LYPD6B: variants seen among roughly 807,000 people sequenced by gnomAD.
The protein encoded by LYPD6B is ly6/PLAUR domain-containing protein 6B.
Under a neutral mutation model 22.8 loss-of-function variants are expected in LYPD6B, and 17 were observed. The observed-to-expected ratio is 0.75, with a 90% CI of 0.51 to 1.12. The LOEUF is 1.12. Ranked by LOEUF, LYPD6B falls within the 50% of genes most tolerant of loss-of-function variation. The pLI, the probability that LYPD6B is intolerant of heterozygous loss-of-function variation, is 0.00. For missense variants in LYPD6B, 221 were observed against 258.3 expected, an observed-to-expected ratio of 0.86 and a Z score of 0.99; for synonymous variants, 106 against 91.6, an observed-to-expected ratio of 1.16 and a Z score of -0.90.
chr2:149,171,672 G>A (rs946191499), intron 3 of LYPD6B, among the ~76,000 whole-genome samples: 2 of 152,054 alleles, frequency 1.3e-5, no homozygotes, highest in African/African-American at 4.8e-5. Flanking sequence ...TGGATGGCAG[G>A]GAAAGGTTTT....
At chr2:149,174,907 G>A (rs766117845) in intron 3 of LYPD6B, among the ~76,000 whole-genome samples, 2 of 151,962 alleles carry the variant, frequency 1.3e-5, no homozygotes, top group Non-Finnish European at 2.9e-5. Flanking sequence ...TAACAAACCT[G>A]CACATCCTGC....
chr2:149,135,066 G>A (rs891446077), intron 2 of LYPD6B, among the ~76,000 whole-genome samples: 3 of 151,824 alleles, frequency 2.0e-5, no homozygotes, highest in African/African-American at 7.3e-5. Context: ...CCGACATGAT[G>A]AAACCCCATC....
At chr2:149,184,009 A>G (rs889330968) in intron 3 of LYPD6B, among the ~76,000 whole-genome samples, 1 of 152,052 alleles carries the variant, frequency 6.6e-6, no homozygotes, top group Non-Finnish European at 1.5e-5. Context: ...CCTGACTAAC[A>G]TGGAGAAACT....
At chr2:149,214,421 G>A (rs1011461826) in intron 6 of LYPD6B, 125 bp from the exon 7 acceptor site, 16 of 968,810 alleles carry the variant, frequency 1.7e-5, no homozygotes, top group Non-Finnish European at 2.5e-5. Flanking sequence ...ATGCAAAATT[G>A]GATAACCAAC....
intron 1 of LYPD6B, among the ~76,000 whole-genome samples, chr2:149,048,166 T>C (rs554339652): frequency 6.6e-6 from 1 of 152,362 alleles, no homozygotes; most frequent in African/African-American, 2.4e-5. Context: ...CTTGCTTTTC[T>C]CATGCCCTAT....
intron 2 of LYPD6B, among the ~76,000 whole-genome samples, chr2:149,156,542 G>T (rs1689713388): frequency 6.6e-6 from 1 of 152,096 alleles, no homozygotes; most frequent in South Asian, 2.1e-4. Flanking sequence ...AGCAAGGTTG[G>T]GTCTTTCTGA....
chr2:149,080,431 G>T (rs1036666301), intron 1 of LYPD6B, among the ~76,000 whole-genome samples: 2 of 152,150 alleles, frequency 1.3e-5, no homozygotes, highest in Non-Finnish European at 2.9e-5. Flanking sequence ...TACATTTTGT[G>T]GGGGGAGCAC....
intron 3 of LYPD6B, among the ~76,000 whole-genome samples, chr2:149,169,815 CCT>C: frequency 6.6e-6 from 1 of 152,298 alleles, no homozygotes; most frequent in East Asian, 1.9e-4. Context: ...GCCTGAGAAA[CCT>C]GTCCCGCCAG....
At chr2:149,187,686 T>C (rs560534703) in intron 3 of LYPD6B, 67 of 507,556 alleles carry the variant, frequency 1.3e-4, no homozygotes, top group African/African-American at 1.3e-3. Context: ...GAAGAAGAGC[T>C]ATCTTGGACC....
Position 149,038,801 on chromosome 2 carries a change from G to A in LYPD6B, c.-67G>A, listed in dbSNP as rs1682918804. ...GAGGCTCGGTGGGCGCGGGCGGCGA[G>A]GTGAGCTGGGCCAGCGCAGCAGGCG... is the stretch of plus-strand genomic sequence containing the variant. On this transcript the variant is annotated splice_region_variant and 5_prime_UTR_variant, in exon 1 of 7. Transcript: ENST00000409642. 6.6e-6 allele frequency: 1 copy of A among 150,894 alleles called. No individual in the cohort carries two copies. Among genetic ancestry groups the A allele is most frequent in the African/African-American group, 2.4e-5 (1 of 41,368 alleles). The allele number at this position is 150,894 out of a possible 1,614,324, so 9.3% of individuals were successfully genotyped here.
At chr2:149,161,822 G>A (rs1255435594) in intron 3 of LYPD6B, among the ~76,000 whole-genome samples, 1 of 152,200 alleles carries the variant, frequency 6.6e-6, no homozygotes, top group African/African-American at 2.4e-5. Flanking sequence ...ACCTGTGTTT[G>A]TTAATGATAA....
intron 1 of LYPD6B, among the ~76,000 whole-genome samples, chr2:149,094,877 A>G (rs1685831341): frequency 6.6e-6 from 1 of 152,170 alleles, no homozygotes. Context: ...CAACTCCAAC[A>G]GTTGCTATCA....
intron 1 of LYPD6B, among the ~76,000 whole-genome samples, chr2:149,072,639 C>T (rs771557298): frequency 5.3e-5 from 8 of 151,804 alleles, no homozygotes; most frequent in Non-Finnish European, 1.0e-4. Flanking sequence ...AAGGTTTAAG[C>T]GATTCTTGTG....
intron 1 of LYPD6B, among the ~76,000 whole-genome samples, chr2:149,077,964 T>G (rs1175382952): frequency 7.6e-6 from 1 of 131,212 alleles, no homozygotes; most frequent in Admixed American, 7.5e-5. Context: ...ATGAAGCAAC[T>G]GCTGCTGTTT....
intron 1 of LYPD6B, among the ~76,000 whole-genome samples, chr2:149,122,304 C>T (rs1312390978): frequency 6.6e-6 from 1 of 152,282 alleles, no homozygotes; most frequent in African/African-American, 2.4e-5. Flanking sequence ...TGATTTTATT[C>T]TTTATAATAG....
intron 3 of LYPD6B, among the ~76,000 whole-genome samples, chr2:149,189,660 A>T (rs1205869414): frequency 6.6e-6 from 1 of 151,888 alleles, no homozygotes; most frequent in African/African-American, 2.4e-5. Context: ...ATGGAAATAA[A>T]CCTGTTGGGG....
intron 3 of LYPD6B, among the ~76,000 whole-genome samples, chr2:149,167,254 C>T (rs1051215824): frequency 3.3e-5 from 5 of 152,110 alleles, no homozygotes; most frequent in African/African-American, 1.2e-4. Flanking sequence ...GACAGAATGG[C>T]CCAGGACAGA....
chr2:149,163,684 T>G (rs1394589121), intron 3 of LYPD6B, among the ~76,000 whole-genome samples: 1 of 152,152 alleles, frequency 6.6e-6, no homozygotes, highest in Non-Finnish European at 1.5e-5. Flanking sequence ...GAACACTGAT[T>G]TATGGAACTT....
chr2:149,160,497 A>G (rs544393859), intron 2 of LYPD6B: 299 of 566,748 alleles, frequency 5.3e-4, no homozygotes, highest in Middle Eastern at 1.4e-3. Flanking sequence ...GATTTCACCA[A>G]TTATTACCAT....
Sources: allele counts gnomAD v4.1 joint callset (sites outside exome capture counted in the v4.1 genomes callset), GRCh38; gene constraint gnomAD v4.1.1; transcripts MANE v1.5; gene names NCBI Gene and HGNC (gene_info 2026-07-23, HGNC 2026-07-21).